FHIT: variants seen among roughly 807,000 people sequenced by gnomAD.
The protein encoded by FHIT is bis(5'-adenosyl)-triphosphatase.
FHIT carries 19 observed loss-of-function variants against 17.9 expected under a neutral mutation model. The ratio of observed to expected loss-of-function variants is 1.06; its 90% CI spans 0.74 to 1.56. The LOEUF is 1.56. Among genes scored for constraint, FHIT ranks in the 40% most tolerant of loss-of-function variants. The pLI is 0.00. For synonymous variants in FHIT, 81 were observed against 69.7 expected (o/e 1.16, Z -0.81); for missense variants, 248 against 189.2 (o/e 1.31, Z -1.82).
At chr3:60,526,046 T>A (rs750920660) in intron 5 of FHIT, among the ~76,000 whole-genome samples, 2 of 151,978 alleles carry the variant, frequency 1.3e-5, no homozygotes, top group Non-Finnish European at 2.9e-5. Flanking sequence ...AAGGCTGCAG[T>A]GAGTCAAGGT....
At chr3:60,181,711 A>C (rs1438913152) in intron 5 of FHIT, among the ~76,000 whole-genome samples, 1 of 152,228 alleles carries the variant, frequency 6.6e-6, no homozygotes, top group Non-Finnish European at 1.5e-5. Flanking sequence ...CACAAAGTGA[A>C]AAGCTCAATG....
intron 5 of FHIT, among the ~76,000 whole-genome samples, chr3:60,392,953 A>G (rs950123045): frequency 2.6e-5 from 4 of 152,126 alleles, no homozygotes; most frequent in Non-Finnish European, 4.4e-5. Flanking sequence ...TTTAGCGGAG[A>G]AACAGCTAGG....
At chr3:60,422,701 G>A (rs1305693892) in intron 5 of FHIT, among the ~76,000 whole-genome samples, 3 of 151,976 alleles carry the variant, frequency 2.0e-5, no homozygotes, top group Non-Finnish European at 4.4e-5. Context: ...TAAGTCTCTG[G>A]GACACACCAC....
At chr3:61,167,642 A>G (rs1264904985) in intron 2 of FHIT, among the ~76,000 whole-genome samples, 4 of 151,454 alleles carry the variant, frequency 2.6e-5, no homozygotes, top group South Asian at 4.1e-4. Flanking sequence ...AAAAAAAAAA[A>G]AAAAGAAAGA....
intron 4 of FHIT, among the ~76,000 whole-genome samples, chr3:60,554,706 A>C (rs1165643773): frequency 6.6e-6 from 1 of 152,228 alleles, no homozygotes; most frequent in Non-Finnish European, 1.5e-5. Flanking sequence ...AGAAATACCA[A>C]AGGAAAAACC....
intron 7 of FHIT, among the ~76,000 whole-genome samples, chr3:59,975,856 T>A (rs1708385144): frequency 6.8e-6 from 1 of 147,982 alleles, no homozygotes; most frequent in South Asian, 2.2e-4. Context: ...CAGATTGGAC[T>A]AGGAATCCAA....
chr3:59,818,719 G>C (rs548261830), intron 8 of FHIT, among the ~76,000 whole-genome samples: 12 of 152,300 alleles, frequency 7.9e-5, no homozygotes, highest in Non-Finnish European at 1.6e-4. Flanking sequence ...CGGGCCGACT[G>C]CCAGCTCTCC....
intron 5 of FHIT, among the ~76,000 whole-genome samples, chr3:60,419,165 C>A (rs1370756197): frequency 6.6e-6 from 1 of 152,172 alleles, no homozygotes; most frequent in South Asian, 2.1e-4. Flanking sequence ...TCATCTTAGA[C>A]AAGTTACTAC....
intron 5 of FHIT, among the ~76,000 whole-genome samples, chr3:60,167,631 C>T (rs527675560): frequency 2.0e-4 from 31 of 152,326 alleles, no homozygotes; most frequent in Admixed American, 1.7e-3. Context: ...GAATGAACTG[C>T]ACAGTCTTCA....
intron 5 of FHIT, among the ~76,000 whole-genome samples, chr3:60,014,400 T>C (rs940334360): frequency 2.6e-5 from 4 of 152,198 alleles, no homozygotes; most frequent in African/African-American, 7.2e-5. Flanking sequence ...GAAAGGGACA[T>C]TCGTGTACAG....
At chr3:59,828,843 C>CTG (rs10637442) in intron 8 of FHIT, among the ~76,000 whole-genome samples, 11,606 of 146,514 alleles carry the variant, frequency 0.079, 617 homozygotes, top group African/African-American at 0.15. Context: ...CAATGGTACT[C>CTG]TCTCTGTGTG....
intron 8 of FHIT, among the ~76,000 whole-genome samples, chr3:59,919,386 C>T (rs906558461): frequency 6.6e-6 from 1 of 152,156 alleles, no homozygotes; most frequent in Admixed American, 6.5e-5. Context: ...CAGATCTGCC[C>T]TCTGGAGCCA....
intron 5 of FHIT, among the ~76,000 whole-genome samples, chr3:60,105,752 AT>A (rs5849327): frequency 0.3 from 45,392 of 151,648 alleles, 7,401 homozygotes; most frequent in East Asian, 0.52. Flanking sequence ...AAAAGTGTGG[AT>A]TTTTTTTTAG....
chr3:60,479,009 G>T (rs1348675022), intron 5 of FHIT, among the ~76,000 whole-genome samples: 1 of 152,142 alleles, frequency 6.6e-6, no homozygotes, highest in East Asian at 1.9e-4. Flanking sequence ...TTCTAAGGTT[G>T]CCCAGGACAG....
intron 5 of FHIT, among the ~76,000 whole-genome samples, chr3:60,399,347 G>T (rs1443668970): frequency 6.6e-6 from 1 of 152,104 alleles, no homozygotes; most frequent in African/African-American, 2.4e-5. Context: ...TTCTCACAGT[G>T]TGTGAAGACT....
intron 2 of FHIT, among the ~76,000 whole-genome samples, chr3:61,134,413 T>C (rs2036854675): frequency 6.6e-6 from 1 of 152,196 alleles, no homozygotes; most frequent in Non-Finnish European, 1.5e-5. Flanking sequence ...GCATTCTATA[T>C]TGGAAGTATA....
intron 1 of FHIT, among the ~76,000 whole-genome samples, chr3:61,203,761 G>A (rs765862034): frequency 6.6e-6 from 1 of 152,206 alleles, no homozygotes; most frequent in Non-Finnish European, 1.5e-5. Context: ...ACAAGGAGGA[G>A]AGAAATACTA....
At chr3:60,927,101 C>A (rs956823891) in intron 3 of FHIT, among the ~76,000 whole-genome samples, 2 of 152,330 alleles carry the variant, frequency 1.3e-5, no homozygotes, top group Admixed American at 1.3e-4. Flanking sequence ...ACCTCCCTGC[C>A]TGATTCTCCT....
intron 8 of FHIT, among the ~76,000 whole-genome samples, chr3:59,808,766 T>A (rs1240876097): frequency 6.6e-6 from 1 of 152,154 alleles, no homozygotes; most frequent in African/African-American, 2.4e-5. Context: ...GGCTCGGGGA[T>A]AATCTATAAG....
Sources: gnomAD v4.1 joint callset for allele counts (sites outside exome capture counted in the v4.1 genomes callset) on GRCh38, gnomAD v4.1.1 for gene constraint, MANE v1.5 for transcripts, NCBI Gene and HGNC (gene_info 2026-07-23, HGNC 2026-07-21) for gene names.